CCDC148: variants seen among roughly 807,000 people sequenced by gnomAD.
CCDC148 encodes coiled-coil domain-containing protein 148.
CCDC148 carries 89 observed loss-of-function variants against 85.7 expected under a neutral mutation model. The ratio of observed to expected loss-of-function variants is 1.04; its 90% CI spans 0.87 to 1.24. The LOEUF (loss-of-function observed/expected upper bound fraction) is 1.24, where lower values mean the gene tolerates loss of function less well. Among genes scored for constraint, CCDC148 ranks in the 50% most tolerant of loss-of-function variants. The pLI, the probability that CCDC148 is intolerant of heterozygous loss-of-function variation, is 0.00. For synonymous variants in CCDC148, 230 were observed against 213.9 expected (o/e 1.08, Z -0.66); for missense variants, 692 against 671.7 (o/e 1.03, Z -0.33).
intron 1 of CCDC148, among the ~76,000 whole-genome samples, chr2:158,409,868 G>C (rs1028568221): frequency 1.3e-5 from 2 of 152,074 alleles, no homozygotes; most frequent in Admixed American, 1.3e-4. Flanking sequence ...CGAATCATGG[G>C]GGCAGTTTCC....
chr2:158,225,735 T>C (rs1302871191), intron 10 of CCDC148, among the ~76,000 whole-genome samples: 2 of 152,114 alleles, frequency 1.3e-5, no homozygotes, highest in Non-Finnish European at 2.9e-5. Context: ...AAGGCAGAAA[T>C]AAAGATGTTC....
chr2:158,217,428 C>T (rs1323518846), intron 11 of CCDC148, among the ~76,000 whole-genome samples: 5 of 143,896 alleles, frequency 3.5e-5, no homozygotes, highest in East Asian at 2.0e-4. Flanking sequence ...TTTGAGATGG[C>T]GTCTCGCTCT....
intron 9 of CCDC148, among the ~76,000 whole-genome samples, chr2:158,280,444 A>C (rs1249238972): frequency 6.6e-6 from 1 of 152,192 alleles, no homozygotes; most frequent in African/African-American, 2.4e-5. Context: ...GTACCAAGCA[A>C]ATGGAAAACA....
At chr2:158,302,957 G>A (rs1310992239) in intron 9 of CCDC148, among the ~76,000 whole-genome samples, 1 of 152,066 alleles carries the variant, frequency 6.6e-6, no homozygotes, top group Non-Finnish European at 1.5e-5. Flanking sequence ...TGAGAGCTCT[G>A]CTTCCTCCCT....
At chr2:158,452,274 G>A (rs2105351251) in intron 1 of CCDC148, among the ~76,000 whole-genome samples, 1 of 152,244 alleles carries the variant, frequency 6.6e-6, no homozygotes, top group Middle Eastern at 3.4e-3. Flanking sequence ...ACAGGGGTGA[G>A]GGGGGAAGTT....
At chr2:158,456,287 CAAAACGTTGAGGAA>C in intron 1 of CCDC148, 114 bp downstream of exon 1, 2 of 935,194 alleles carry the variant, frequency 2.1e-6, no homozygotes, top group East Asian at 5.2e-5. Flanking sequence ...TTTGAGGACC[CAAAACGTTGAGGAA>C]AGATCCACCC....
chr2:158,358,913 T>G (rs183270954), intron 1 of CCDC148, among the ~76,000 whole-genome samples: 1 of 152,134 alleles, frequency 6.6e-6, no homozygotes, highest in African/African-American at 2.4e-5. Context: ...TAAAATGTGA[T>G]AGACATCAAC....
chr2:158,403,487 A>G (rs181717332), intron 1 of CCDC148, among the ~76,000 whole-genome samples: 20 of 152,194 alleles, frequency 1.3e-4, no homozygotes, highest in Admixed American at 4.6e-4. Context: ...ATCACCCATT[A>G]AAGTGTGTAT....
intron 11 of CCDC148, among the ~76,000 whole-genome samples, chr2:158,213,871 A>G (rs1369710070): frequency 2.0e-5 from 3 of 152,148 alleles, no homozygotes; most frequent in Non-Finnish European, 4.4e-5. Flanking sequence ...TGCAGTGACC[A>G]GGGCACCAGT....
chr2:158,368,085 T>G (rs79522895), intron 1 of CCDC148, among the ~76,000 whole-genome samples: 2,122 of 152,236 alleles, frequency 0.014, 40 homozygotes, highest in African/African-American at 0.049. Flanking sequence ...ATTTCATAAT[T>G]AATACACTGG....
chr2:158,431,197 A>C (rs561172529), intron 1 of CCDC148, among the ~76,000 whole-genome samples: 29 of 151,944 alleles, frequency 1.9e-4, no homozygotes, highest in Admixed American at 3.3e-4. Context: ...TTCAAATCTG[A>C]AAAAAAAGAT....
intron 11 of CCDC148, among the ~76,000 whole-genome samples, chr2:158,179,359 A>G (rs909692143): frequency 2.0e-5 from 3 of 151,588 alleles, no homozygotes; most frequent in Non-Finnish European, 4.4e-5. Flanking sequence ...GAGTTTCACC[A>G]TGTTGGCCAG....
chr2:158,221,162 G>A (rs1687163273), intron 10 of CCDC148, among the ~76,000 whole-genome samples: 1 of 152,172 alleles, frequency 6.6e-6, no homozygotes, highest in Non-Finnish European at 1.5e-5. Flanking sequence ...ATGGACAGCA[G>A]GATGTTGAAA....
At chr2:158,238,551 T>G (rs1439086237) in intron 10 of CCDC148, among the ~76,000 whole-genome samples, 1 of 152,196 alleles carries the variant, frequency 6.6e-6, no homozygotes, top group African/African-American at 2.4e-5. Flanking sequence ...ACACATGTCT[T>G]GATACTTCAA....
Position 158,328,617 on chromosome 2 carries a change from T to G in CCDC148, c.764+10109A>C, listed in dbSNP as rs572974270. Among the ~76,000 whole-genome samples, 564 of 152,296 alleles carry G rather than the reference T, an allele frequency of 3.7e-3. 3 individuals carry two copies. The highest frequency in any genetic ancestry group is 0.013 in the African/African-American group (537 of 41,564). On this transcript the variant is annotated intron_variant, in intron 7 of 13. Transcript: ENST00000283233. ...GACTTCCACAATGGTTGAACTAGTT[T>G]ACAGTCCCACCAACAGTGTAAAAGT...
intron 9 of CCDC148, among the ~76,000 whole-genome samples, chr2:158,270,445 G>C (rs1056928755): frequency 1.3e-5 from 2 of 152,112 alleles, no homozygotes; most frequent in African/African-American, 4.8e-5. Flanking sequence ...ACTTTACTTT[G>C]TACGAGGAAA....
At chr2:158,317,447 A>G (rs1692332842) in intron 7 of CCDC148, among the ~76,000 whole-genome samples, 1 of 152,148 alleles carries the variant, frequency 6.6e-6, no homozygotes, top group African/African-American at 2.4e-5. Context: ...TATAGTATCG[A>G]TCACAGATAT....
intron 2 of CCDC148, among the ~76,000 whole-genome samples, chr2:158,355,514 A>T (rs1308769771): frequency 1.3e-5 from 2 of 148,694 alleles, no homozygotes; most frequent in Non-Finnish European, 3.0e-5. Context: ...TAGGAATCCA[A>T]CTTACAAGGG....
intron 9 of CCDC148, chr2:158,288,516 C>A (rs1434552832): frequency 6.5e-6 from 1 of 153,718 alleles, no homozygotes; most frequent in African/African-American, 2.4e-5. Context: ...GTCTCTAGGG[C>A]AGGGGCAAAA....
Sources: gnomAD v4.1 joint callset for allele counts (sites outside exome capture counted in the v4.1 genomes callset) on GRCh38, gnomAD v4.1.1 for gene constraint, MANE v1.5 for transcripts, NCBI Gene and HGNC (gene_info 2026-07-23, HGNC 2026-07-21) for gene names.